The following HSPA2 variants were observed in gnomAD, a reference collection of about 807,000 sequenced individuals.
HSPA2 encodes the protein heat shock-related 70 kDa protein 2.
Under a neutral mutation model 35.0 loss-of-function variants are expected in HSPA2, and 13 were observed. The observed-to-expected ratio is 0.37, with a 90% CI of 0.24 to 0.59. The LOEUF is 0.59. Ranked by LOEUF, HSPA2 falls within the 20% of genes least tolerant of loss-of-function variation. HSPA2 has a pLI of 0.70. For synonymous variants in HSPA2, 368 were observed against 382.1 expected, an observed-to-expected ratio of 0.96 and a Z score of 0.43; for missense variants, 565 against 885.4, an observed-to-expected ratio of 0.64 and a Z score of 4.59.
chr14:64,538,851 T>C (rs1026116158), upstream of HSPA2, among the ~76,000 whole-genome samples: 3 of 152,264 alleles, frequency 2.0e-5, no homozygotes, highest in Non-Finnish European at 4.4e-5. Context: ...TTATTTTATT[T>C]TTTTGAGACG....
Position 64,541,032 on chromosome 14 carries a change from C to T in HSPA2, c.183C>T (p.Ala61=), listed in dbSNP as rs1377670128. The part of the protein sequence containing the change: ...LIGDAAKNQV[A]MNPTNTIFDA... The stretch of plus-strand genomic sequence containing the variant: ...GCGACGCCGCCAAGAACCAGGTGGC[C>T]ATGAACCCCACCAACACCATCTTCG... Residue 61 remains alanine (A), a synonymous_variant, in exon 1 of 1, where the codon GCC becomes GCT. Transcript: ENST00000247207. 6.2e-7 allele frequency: 1 copy of T among 1,614,092 alleles called. No homozygotes were observed. Among genetic ancestry groups the T allele is most frequent in the African/African-American group, 1.3e-5 (1 of 74,938 alleles).
upstream of HSPA2, among the ~76,000 whole-genome samples, chr14:64,537,956 A>T (rs1416933049): frequency 6.6e-6 from 1 of 151,906 alleles, no homozygotes; most frequent in Non-Finnish European, 1.5e-5. Context: ...TGAACTTCTG[A>T]CCTCGTGATC....
Position 64,541,332 on chromosome 14 carries a change from C to T in HSPA2, c.483C>T (p.Asp161=), listed in dbSNP as rs1358057386. The T allele has an allele frequency of 1.7e-5, 28 of 1,613,694 alleles. No homozygotes were observed. The highest frequency in any genetic ancestry group is 2.3e-5 in the Non-Finnish European group (27 of 1,180,020). Residue 161 remains aspartate, a synonymous_variant, in exon 1 of 1, where the codon GAC becomes GAT. Transcript: ENST00000247207. ...ACTCGCAGCGCCAGGCCACCAAGGA[C>T]GCAGGCACCATCACGGGGCTCAATG... ...FNDSQRQATK[D]AGTITGLNVL...
In HSPA2 at chr14:64,540,871, A is replaced by G. The variant is rs2080023230; in HGVS notation, c.22A>G (p.Ile8Val). The change falls in exon 1 of 1, where the codon ATC (isoleucine) becomes GTC (valine). Residue 8 changes from isoleucine (I) to valine (V), a missense_variant. Ile to Val is a conservative substitution (Grantham distance 29). Coordinates refer to ENST00000247207, the MANE Select transcript of HSPA2 (RefSeq NM_021979.4). MSARGPA[I>V]GIDLGTTYSC... The stretch of plus-strand genomic sequence containing the variant: ...CAGGATGTCTGCCCGTGGCCCGGCT[A>G]TCGGCATCGACCTGGGCACCACCTA... 2 of 1,614,108 alleles carry G rather than the reference A, an allele frequency of 1.2e-6. No individual in the cohort carries two copies. Among genetic ancestry groups the G allele is most frequent in the East Asian group, 4.5e-5 (2 of 44,864 alleles).
Position 64,541,040 on chromosome 14 carries a change from C to T in HSPA2, c.191C>T (p.Pro64Leu), listed in dbSNP as rs957540010. The T allele has an allele frequency of 1.9e-6, 3 of 1,614,078 alleles. No individual in the cohort carries two copies. Among genetic ancestry groups the T allele is most frequent in the African/African-American group, 1.3e-5 (1 of 74,936 alleles). The stretch of plus-strand genomic sequence containing the variant: ...GCCAAGAACCAGGTGGCCATGAACC[C>T]CACCAACACCATCTTCGACGCCAAG... Reference protein sequence around the residue: ...DAAKNQVAMNPTNTIFDAKRL... With the variant: ...DAAKNQVAMNLTNTIFDAKRL... The change falls in exon 1 of 1, where the codon CCC becomes CTC. Residue 64 changes from proline to leucine, a missense_variant. Transcript: ENST00000247207.
chr14:64,537,601 C>G (rs1042796099), upstream of HSPA2, among the ~76,000 whole-genome samples: 1 of 149,534 alleles, frequency 6.7e-6, no homozygotes, highest in African/African-American at 2.5e-5. Context: ...ACAAATACCC[C>G]CCACCCCCAA....
chr14:64,538,615 C>T (rs2079997946), upstream of HSPA2, among the ~76,000 whole-genome samples: 1 of 152,246 alleles, frequency 6.6e-6, no homozygotes, highest in African/African-American at 2.4e-5. Context: ...TTTCCATCAG[C>T]CTGGGTGTGC....
rs761496681 is a variant in HSPA2 at position 64,541,257 on chromosome 14, G to C, written c.408G>C (p.Leu136=). The change falls in exon 1 of 1, where the codon CTG becomes CTC. Residue 136 remains leucine (L), a synonymous_variant. Coordinates refer to ENST00000247207, the MANE Select transcript of HSPA2 (RefSeq NM_021979.4). ...TGAAGGAGATCGCGGAAGCCTACCT[G>C]GGGGGCAAGGTGCACAGCGCGGTCA... ...TKMKEIAEAY[L]GGKVHSAVIT... The C allele has an allele frequency of 7.4e-6, 12 of 1,613,710 alleles. No individual in the cohort carries two copies. In the East Asian group the frequency reaches 1.3e-4, roughly 18 times the overall value.
At chr14:64,537,995 G>A (rs2140200631), upstream of HSPA2, among the ~76,000 whole-genome samples, 1 of 152,208 alleles carries the variant, frequency 6.6e-6, no homozygotes, top group Middle Eastern at 3.4e-3. Flanking sequence ...AAAGTGCTGG[G>A]ATTACAGGCA....
chr14:64,541,002 C>T lies in HSPA2; in HGVS notation c.153C>T (p.Leu51=). 6.2e-7 allele frequency: 1 copy of T among 1,614,206 alleles called. No homozygotes were observed. The highest frequency in any genetic ancestry group is 8.5e-7 in the Non-Finnish European group (1 of 1,180,042). Residue 51 remains leucine, a synonymous_variant, in exon 1 of 1, where the codon CTC becomes CTT. Coordinates refer to ENST00000247207, the MANE Select transcript of HSPA2 (RefSeq NM_021979.4). ...TGGCCTTCACGGACACCGAGCGCCT[C>T]ATCGGCGACGCCGCCAAGAACCAGG... is the stretch of plus-strand genomic sequence containing the variant. ...SYVAFTDTER[L]IGDAAKNQVA...
At chr14:64,536,990 T>C (rs1012445640), upstream of HSPA2, among the ~76,000 whole-genome samples, 1 of 152,250 alleles carries the variant, frequency 6.6e-6, no homozygotes, top group Non-Finnish European at 1.5e-5. Flanking sequence ...ACAGTTATTG[T>C]GCAAAAGAAA....
Position 64,541,632 on chromosome 14 carries a change from C to A in HSPA2, c.783C>A (p.Arg261=). Reference sequence around the variant, plus strand: ...AGAAGGACATTGGGCCCAACAAGCGCGCCGTGAGGCGGCTGCGCACCGCTT... The same window carrying A: ...AGAAGGACATTGGGCCCAACAAGCGAGCCGTGAGGCGGCTGCGCACCGCTT... ...KHKKDIGPNK[R]AVRRLRTACE... is the part of the protein sequence containing the mutation. Residue 261 remains arginine (R), a synonymous_variant, in exon 1 of 1, where the codon CGC becomes CGA. Transcript: ENST00000247207. 1 of 1,611,304 alleles carries A rather than the reference C, an allele frequency of 6.2e-7. No homozygotes were observed. Among genetic ancestry groups the A allele is most frequent in the South Asian group, 1.1e-5 (1 of 91,068 alleles).
upstream of HSPA2, among the ~76,000 whole-genome samples, chr14:64,536,952 G>A (rs555270986): frequency 6.6e-6 from 1 of 152,306 alleles, no homozygotes; most frequent in South Asian, 2.1e-4. Flanking sequence ...TGCAAGATGT[G>A]TTTGTAATAT....
In HSPA2 at chr14:64,542,576, A is replaced by G; in HGVS notation, c.1727A>G (p.Lys576Arg). 1 of 1,613,812 alleles carries G rather than the reference A, an allele frequency of 6.2e-7. No homozygotes were observed. The highest frequency in any genetic ancestry group is 8.5e-7 in the Non-Finnish European group (1 of 1,180,008). ...CAGGACAAAAACAAGATCCTCGACA[A>G]GTGTCAGGAGGTGATCAACTGGCTC... ...SEQDKNKILDKCQEVINWLDR... is the reference protein window; with the variant it reads ...SEQDKNKILDRCQEVINWLDR... The change falls in exon 1 of 1, where the codon AAG becomes AGG. Residue 576 changes from lysine (K) to arginine (R), a missense_variant. Lys to Arg is a conservative substitution (Grantham distance 26, BLOSUM62 2). Around this residue, in one of 4 missense-constraint regions of HSPA2, gnomAD observed 147 missense variants for 166.7 expected, o/e 0.88. Coordinates refer to ENST00000247207, the MANE Select transcript of HSPA2 (RefSeq NM_021979.4). The surrounding 1 kb of genome is among the most constrained non-coding windows in gnomAD (Gnocchi z 5.7).
upstream of HSPA2, among the ~76,000 whole-genome samples, chr14:64,539,121 T>A (rs1463418892): frequency 1.3e-5 from 2 of 152,202 alleles, no homozygotes; most frequent in African/African-American, 2.4e-5. Flanking sequence ...CCCATTTATA[T>A]GGGAGCCTGC....
Position 64,541,358 on chromosome 14 carries a change from T to C in HSPA2, c.509T>C (p.Val170Ala). The part of the protein sequence containing the change: ...KDAGTITGLN[V>A]LRIINEPTAA... ...GCAGGCACCATCACGGGGCTCAATG[T>C]GCTGCGCATCATCAACGAGCCCACG... is the stretch of plus-strand genomic sequence containing the variant. The change falls in exon 1 of 1, where the codon GTG becomes GCG. Residue 170 changes from valine (V) to alanine (A), a missense_variant. Physicochemically the swap from Val to Ala is moderately conservative, Grantham distance 64. This residue lies in a region of HSPA2 where 183 missense variants were observed against 281.6 expected (regional missense o/e 0.65). Coordinates refer to ENST00000247207, the MANE Select transcript of HSPA2 (RefSeq NM_021979.4). The C allele has an allele frequency of 6.2e-7, 1 of 1,613,754 alleles. No individual in the cohort carries two copies. Among genetic ancestry groups the C allele is most frequent in the Non-Finnish European group, 8.5e-7 (1 of 1,180,028 alleles).
upstream of HSPA2, among the ~76,000 whole-genome samples, chr14:64,536,191 TAAG>T (rs1168988493): frequency 2.0e-5 from 3 of 152,174 alleles, no homozygotes; most frequent in Non-Finnish European, 4.4e-5. Context: ...ATCCTACATA[TAAG>T]AAGATACAAG....
rs755142055 is a variant in HSPA2, at chr14:64,541,644, G to A, written c.795G>A (p.Arg265=). Residue 265 remains arginine (R), a synonymous_variant, in exon 1 of 1, where the codon CGG becomes CGA. Coordinates refer to ENST00000247207, the MANE Select transcript of HSPA2 (RefSeq NM_021979.4). Reference sequence around the variant, plus strand: ...GGCCCAACAAGCGCGCCGTGAGGCGGCTGCGCACCGCTTGCGAGCGCGCCA... The same window carrying A: ...GGCCCAACAAGCGCGCCGTGAGGCGACTGCGCACCGCTTGCGAGCGCGCCA... ...DIGPNKRAVR[R]LRTACERAKR... is the part of the protein sequence containing the mutation. The A allele has an allele frequency of 1.9e-6, 3 of 1,611,284 alleles. No individual in the cohort carries two copies. Among genetic ancestry groups the A allele is most frequent in the Non-Finnish European group, 2.5e-6 (3 of 1,179,806 alleles).
Position 64,541,688 on chromosome 14 carries a change from C to G in HSPA2, c.839C>G (p.Ser280Cys). 1 of 1,611,954 alleles carries G rather than the reference C, an allele frequency of 6.2e-7. No homozygotes were observed. The highest frequency in any genetic ancestry group is 8.5e-7 in the Non-Finnish European group (1 of 1,179,700). ...CERAKRTLSS[S>C]TQASIEIDSL... ...CGCGCCAAGCGCACCCTGAGCTCGT[C>G]CACGCAGGCGAGCATCGAGATCGAC... Residue 280 changes from serine to cysteine, a missense_variant, in exon 1 of 1, where the codon TCC becomes TGC. By Grantham distance (112) the Ser-to-Cys change is moderately radical (BLOSUM62 -1). Coordinates refer to ENST00000247207, the MANE Select transcript of HSPA2 (RefSeq NM_021979.4).
Sources: gnomAD v4.1 joint callset for allele counts (sites outside exome capture counted in the v4.1 genomes callset) on GRCh38, gnomAD v4.1.1 for gene constraint, gnomAD v4.1.1 regional missense constraint, Gnocchi (gnomAD v3.1) non-coding constraint, MANE v1.5 for transcripts, NCBI Gene and HGNC (gene_info 2026-07-23, HGNC 2026-07-21) for gene names.